The following PDE3A variants were observed in gnomAD, a reference collection of about 807,000 sequenced individuals.
PDE3A encodes the protein cGMP-inhibited 3',5'-cyclic phosphodiesterase 3A.
PDE3A carries 43 observed loss-of-function variants against 98.3 expected under a neutral mutation model. The ratio of observed to expected loss-of-function variants is 0.44; its 90% CI spans 0.34 to 0.56. The LOEUF is 0.56. Among genes scored for constraint, PDE3A ranks in the 20% least tolerant of loss-of-function variants. PDE3A has a pLI of 0.01. For synonymous variants in PDE3A, 663 were observed against 567.9 expected, an observed-to-expected ratio of 1.17 and a Z score of -2.38; for missense variants, 1,427 against 1,440.7, an observed-to-expected ratio of 0.99 and a Z score of 0.15.
chr12:20,545,673 A>G (rs1023478119), intron 1 of PDE3A, among the ~76,000 whole-genome samples: 3 of 151,610 alleles, frequency 2.0e-5, no homozygotes, highest in Admixed American at 1.3e-4. Context: ...TAAGAGATTT[A>G]GATTCTGAGA....
chr12:20,565,629 A>G (rs1942637569), intron 2 of PDE3A, among the ~76,000 whole-genome samples: 1 of 151,934 alleles, frequency 6.6e-6, no homozygotes, highest in Non-Finnish European at 1.5e-5. Context: ...GGGTGAATTG[A>G]GGCAAAGAAA....
chr12:20,616,124 T>G, intron 3 of PDE3A, 106 bp from the exon 4 acceptor site: 1 of 987,990 alleles, frequency 1.0e-6, no homozygotes, highest in Non-Finnish European at 1.5e-6. Flanking sequence ...ACCAATGTAA[T>G]TTAGTCAATT....
At chr12:20,404,276 A>AT (rs1333431549) in intron 1 of PDE3A, among the ~76,000 whole-genome samples, 8 of 151,336 alleles carry the variant, frequency 5.3e-5, no homozygotes, top group African/African-American at 1.9e-4. Context: ...CTCAGGGGGG[A>AT]TATATTATTA....
At chr12:20,515,793 C>A (rs977047901) in intron 1 of PDE3A, among the ~76,000 whole-genome samples, 2 of 150,170 alleles carry the variant, frequency 1.3e-5, no homozygotes, top group Admixed American at 6.6e-5. Flanking sequence ...AGTGCAGTGG[C>A]GGGATCTCGG....
intron 2 of PDE3A, among the ~76,000 whole-genome samples, chr12:20,568,104 C>T (rs1942706205): frequency 6.6e-6 from 1 of 151,956 alleles, no homozygotes; most frequent in African/African-American, 2.4e-5. Flanking sequence ...ACATCACCAA[C>T]ATCATAACTT....
chr12:20,380,033 A>T (rs1320151201), intron 1 of PDE3A, among the ~76,000 whole-genome samples: 1 of 151,804 alleles, frequency 6.6e-6, no homozygotes, highest in African/African-American at 2.4e-5. Flanking sequence ...CAACTAATAA[A>T]TTGAGAGAGA....
chr12:20,393,610 C>A (rs1417497325), intron 1 of PDE3A, among the ~76,000 whole-genome samples: 1 of 151,812 alleles, frequency 6.6e-6, no homozygotes, highest in Non-Finnish European at 1.5e-5. Flanking sequence ...TACATATACC[C>A]CAAACTATGT....
chr12:20,525,314 A>G (rs1353365438), intron 1 of PDE3A, among the ~76,000 whole-genome samples: 2 of 152,158 alleles, frequency 1.3e-5, no homozygotes, highest in African/African-American at 4.8e-5. Context: ...ATCGTTTACT[A>G]TTCTTGTTAC....
intron 9 of PDE3A, among the ~76,000 whole-genome samples, chr12:20,639,245 C>T (rs1175066124): frequency 6.6e-6 from 1 of 151,886 alleles, no homozygotes; most frequent in African/African-American, 2.4e-5. Flanking sequence ...TCATGGATAC[C>T]AGTAGACAAT....
At chr12:20,672,785 A>T (rs1191298530) in intron 15 of PDE3A, among the ~76,000 whole-genome samples, 2 of 134,448 alleles carry the variant, frequency 1.5e-5, no homozygotes, top group Admixed American at 7.7e-5. Context: ...GGACATAGGC[A>T]TGGGCAAGGA....
rs1945835823 is a variant in PDE3A, at chr12:20,682,966, C to T, written c.*2695C>T. On this transcript the variant is annotated 3_prime_UTR_variant, in exon 16 of 16. Transcript: ENST00000359062. ...TTGGCTACTATGGTGGAAGTCTCAG[C>T]AAACTGCCTGGTTTTGTTTGTTTGT... 1 of 152,030 alleles carries T rather than the reference C, an allele frequency of 6.6e-6. No homozygotes were observed. Among genetic ancestry groups the T allele is most frequent in the South Asian group, 2.1e-4 (1 of 4,822 alleles). 9.4% of individuals were successfully genotyped at this position (152,030 alleles called of 1,614,324 possible). A position where few individuals can be genotyped will look rare whatever the true frequency, so the allele number is the denominator to read the frequency against.
At chr12:20,374,935 A>G (rs1225010944) in intron 1 of PDE3A, among the ~76,000 whole-genome samples, 2 of 151,998 alleles carry the variant, frequency 1.3e-5, no homozygotes, top group East Asian at 3.9e-4. Flanking sequence ...AATCAATGCA[A>G]CTATTGTATC....
chr12:20,433,794 ATTGT>A (rs1190534599), intron 1 of PDE3A, among the ~76,000 whole-genome samples: 1 of 152,096 alleles, frequency 6.6e-6, no homozygotes, highest in African/African-American at 2.4e-5. Context: ...CTTCAGATTC[ATTGT>A]TTGTAGAATG....
intron 1 of PDE3A, among the ~76,000 whole-genome samples, chr12:20,460,720 G>A (rs1297431209): frequency 6.6e-6 from 1 of 152,130 alleles, no homozygotes; most frequent in Non-Finnish European, 1.5e-5. Context: ...CTGAAAAGAT[G>A]GCTTCAGCCT....
intron 1 of PDE3A, among the ~76,000 whole-genome samples, chr12:20,554,090 T>C (rs1481494681): frequency 7.4e-6 from 1 of 134,392 alleles, no homozygotes; most frequent in Non-Finnish European, 1.7e-5. Flanking sequence ...TTGGTTGTTT[T>C]TGTTTTTGTA....
intron 1 of PDE3A, among the ~76,000 whole-genome samples, chr12:20,538,382 GAC>G: frequency 6.6e-6 from 1 of 152,236 alleles, no homozygotes; most frequent in East Asian, 1.9e-4. Flanking sequence ...AGGCAAAAGA[GAC>G]AAGCTAGCTG....
intron 5 of PDE3A, among the ~76,000 whole-genome samples, chr12:20,627,002 T>A (rs1475100175): frequency 6.6e-6 from 1 of 152,086 alleles, no homozygotes; most frequent in Non-Finnish European, 1.5e-5. Flanking sequence ...GAGAGTGAAT[T>A]GCATGTATCT....
chr12:20,654,548 G>A (rs1356606120), intron 15 of PDE3A, among the ~76,000 whole-genome samples: 1 of 151,906 alleles, frequency 6.6e-6, no homozygotes, highest in Non-Finnish European at 1.5e-5. Context: ...CCAGGCTGGC[G>A]TGCAGTGGCA....
At chr12:20,664,067 C>T (rs1168248973) in intron 15 of PDE3A, among the ~76,000 whole-genome samples, 1 of 152,036 alleles carries the variant, frequency 6.6e-6, no homozygotes, top group East Asian at 1.9e-4. Flanking sequence ...AGGGACTTTT[C>T]CCCCTTTGCT....
Sources: allele counts gnomAD v4.1 joint callset (sites outside exome capture counted in the v4.1 genomes callset), GRCh38; gene constraint gnomAD v4.1.1; transcripts MANE v1.5; gene names NCBI Gene and HGNC (gene_info 2026-07-23, HGNC 2026-07-21).